ATXN2: variants seen among roughly 807,000 people sequenced by gnomAD.
ATXN2 encodes the protein ataxin 2.
A neutral mutation model predicts 138.6 loss-of-function variants in ATXN2; 37 were observed. The observed-to-expected ratio is 0.27, with a 90% CI of 0.21 to 0.35. The LOEUF is 0.35. ATXN2 is among the 10% of genes least tolerant of loss of function. ATXN2 has a pLI of 1.00. For synonymous variants in ATXN2, 549 were observed against 543.7 expected, an observed-to-expected ratio of 1.01 and a Z score of -0.13; for missense variants, 1,216 against 1,480.3, an observed-to-expected ratio of 0.82 and a Z score of 2.93.
chr12:111,598,967 TGCTGCTGCTGTTGCTGCTGC>T lies in ATXN2; in HGVS notation c.48_67del (p.Gln17AlafsTer66), dbSNP rs1885097087. 4.7e-6 allele frequency: 7 copies of T among 1,503,432 alleles called. No individual in the cohort carries two copies. The East Asian group carries it at 1.3e-4, about 29-fold the overall frequency. The allele number at this position is 1,503,432 out of a possible 1,614,324, so 93.1% of individuals were successfully genotyped here. On this transcript the variant is annotated frameshift_variant, in exon 1 of 25. Coordinates refer to ENST00000673436, the MANE Select transcript of ATXN2 (RefSeq NM_001372574.1). LOFTEE classifies it high-confidence loss of function. The surrounding 1 kb of genome is among the most constrained non-coding windows in gnomAD (Gnocchi z 4.5). ...GGGCGGCGGCTGCTGCTGCTGCTGC[TGCTGCTGCTGTTGCTGCTGC>T]TGCTGCTGCTGCTGCTGCTGCTGCT...
intron 14 of ATXN2, among the ~76,000 whole-genome samples, chr12:111,494,052 T>G (rs1878240289): frequency 6.6e-6 from 1 of 151,946 alleles, no homozygotes; most frequent in Non-Finnish European, 1.5e-5. Flanking sequence ...TGCCTCAGCC[T>G]CCGAGTAGCT....
At position 111,598,959 on chromosome 12, in the gene ATXN2, GC is replaced by G; in HGVS notation, c.75del (p.Gln25HisfsTer21). On this transcript the variant is annotated frameshift_variant, in exon 1 of 25. Transcript: ENST00000673436. LOFTEE classifies it high-confidence loss of function. This position sits in a 1 kb window ranked among gnomAD's most constrained non-coding sequence, Gnocchi z 4.5. ...QQQQQQQQQQQQQQPPPAAAN... is the reference protein window; with the variant it reads ...QQQQQQQQQQXQQQPPPAAAN... ...GCAGCCGCGGGCGGCGGCTGCTGCT[GC>G]TGCTGCTGCTGCTGCTGTTGCTGCT... 2 of 1,501,414 alleles carry G rather than the reference GC, an allele frequency of 1.3e-6. No individual in the cohort carries two copies. The highest frequency in any genetic ancestry group is 1.8e-6 in the Non-Finnish European group (2 of 1,128,400). 93.0% of individuals were successfully genotyped at this position (1,501,414 alleles called of 1,614,324 possible). A position where few individuals can be genotyped will look rare whatever the true frequency, so the allele number is the denominator to read the frequency against.
At chr12:111,553,217 A>C (rs1566060231) in intron 3 of ATXN2, among the ~76,000 whole-genome samples, 1 of 152,184 alleles carries the variant, frequency 6.6e-6, no homozygotes, top group African/African-American at 2.4e-5. Flanking sequence ...TTCTGACCCC[A>C]GCTATTTTAA....
intron 12 of ATXN2, 36 bp downstream of exon 12, chr12:111,510,349 C>G (rs757743174): frequency 1.3e-6 from 2 of 1,587,288 alleles, no homozygotes; most frequent in South Asian, 2.2e-5. Flanking sequence ...AATTTCACAG[C>G]TGAGATTATG....
intron 18 of ATXN2, among the ~76,000 whole-genome samples, chr12:111,473,137 G>GC (rs760575873): frequency 3.3e-5 from 5 of 151,924 alleles, no homozygotes; most frequent in African/African-American, 7.3e-5. Context: ...AGCCAGGCAC[G>GC]GTGGTGCTTG....
chr12:111,569,317 G>A (rs975041977), intron 1 of ATXN2, among the ~76,000 whole-genome samples: 6 of 152,190 alleles, frequency 3.9e-5, no homozygotes, highest in Non-Finnish European at 8.8e-5. Flanking sequence ...TGGAAATTAA[G>A]TAATATTCCA....
chr12:111,479,744 C>T (rs1877083616), intron 18 of ATXN2, among the ~76,000 whole-genome samples: 1 of 151,242 alleles, frequency 6.6e-6, no homozygotes, highest in South Asian at 2.1e-4. Context: ...CATCAGCTAT[C>T]ATTAGTGTTA....
At chr12:111,547,146 C>G (rs890076212) in intron 5 of ATXN2, among the ~76,000 whole-genome samples, 7 of 152,188 alleles carry the variant, frequency 4.6e-5, no homozygotes, top group African/African-American at 1.7e-4. Context: ...GTTTCCCCAG[C>G]AGCCGAGTGT....
At chr12:111,471,813 G>A (rs1876434549) in intron 18 of ATXN2, 1 of 151,858 alleles carries the variant, frequency 6.6e-6, no homozygotes, top group Non-Finnish European at 1.5e-5. Flanking sequence ...ATGAAAGTTT[G>A]CCCGATTATG....
Position 111,552,553 on chromosome 12 carries a change from A to C in ATXN2, c.421-123T>G. 1 of 991,652 alleles carries C rather than the reference A, an allele frequency of 1.0e-6. No homozygotes were observed. Among genetic ancestry groups the C allele is most frequent in the African/African-American group, 1.7e-5 (1 of 59,274 alleles). 61.4% of individuals were successfully genotyped at this position (991,652 alleles called of 1,614,324 possible). A position where few individuals can be genotyped will look rare whatever the true frequency, so the allele number is the denominator to read the frequency against. On this transcript the variant is annotated intron_variant, in intron 4 of 24. Transcript: ENST00000673436. The surrounding 1 kb of genome is among the most constrained non-coding windows in gnomAD (Gnocchi z 4.1). ...TGACAAAAATAATCTCAAGAGAATCATACCCTTTTTCCCAGGCATATGATC... is the reference window on the plus strand; with the variant it reads ...TGACAAAAATAATCTCAAGAGAATCCTACCCTTTTTCCCAGGCATATGATC...
At chr12:111,566,381 G>A (rs928083169) in intron 1 of ATXN2, among the ~76,000 whole-genome samples, 6 of 147,334 alleles carry the variant, frequency 4.1e-5, no homozygotes, top group Admixed American at 1.4e-4. Flanking sequence ...GCGGTGAGCC[G>A]AGATAGCATG....
At chr12:111,473,180 G>C (rs1876536099) in intron 18 of ATXN2, among the ~76,000 whole-genome samples, 1 of 151,812 alleles carries the variant, frequency 6.6e-6, no homozygotes, top group African/African-American at 2.4e-5. Flanking sequence ...AGGCTGAGGT[G>C]GGGGGATTGC....
At chr12:111,586,103 C>T (rs1029613295) in intron 1 of ATXN2, among the ~76,000 whole-genome samples, 1 of 151,756 alleles carries the variant, frequency 6.6e-6, no homozygotes, top group African/African-American at 2.4e-5. Flanking sequence ...TGGGGTTTCC[C>T]TGTGTTGCCC....
chr12:111,561,937 G>T (rs896296625), intron 1 of ATXN2, among the ~76,000 whole-genome samples: 1 of 151,394 alleles, frequency 6.6e-6, no homozygotes, highest in South Asian at 2.1e-4. Context: ...TCAGCCTCCC[G>T]AGTAGCTGGG....
At chr12:111,561,996 A>G (rs1882715330) in intron 1 of ATXN2, among the ~76,000 whole-genome samples, 1 of 151,810 alleles carries the variant, frequency 6.6e-6, no homozygotes, top group South Asian at 2.1e-4. Flanking sequence ...TATTTTTAGT[A>G]GAGACAGGGT....
intron 1 of ATXN2, among the ~76,000 whole-genome samples, chr12:111,576,689 G>A (rs2135822246): frequency 6.6e-6 from 1 of 151,940 alleles, no homozygotes; most frequent in African/African-American, 2.4e-5. Context: ...GCCAGGTGTG[G>A]TGGCTCACGC....
chr12:111,509,891 C>T lies in ATXN2; in HGVS notation c.1864G>A (p.Gly622Ser). ...GCTTAATGACTCTTTAAACTCTAAC[C>T]TTTGTTTTCAGCTTTTGAGAAGCTA... ...SPSFSKAENK[G>S]ISPVVSEHRK... The change falls in exon 13 of 25, where the codon GGT (glycine) becomes AGT (serine). Residue 622 changes from glycine (G) to serine (S), a missense_variant and splice_region_variant. Around this residue, in one of 4 missense-constraint regions of ATXN2, gnomAD observed 215 missense variants for 210.0 expected, o/e 1.02. Coordinates refer to ENST00000673436, the MANE Select transcript of ATXN2 (RefSeq NM_001372574.1). 1 of 1,602,514 alleles carries T rather than the reference C, an allele frequency of 6.2e-7. No homozygotes were observed. The highest frequency in any genetic ancestry group is 1.1e-5 in the South Asian group (1 of 90,502).
chr12:111,514,227 T>C (rs1879726973), intron 10 of ATXN2, among the ~76,000 whole-genome samples: 1 of 152,222 alleles, frequency 6.6e-6, no homozygotes, highest in Admixed American at 6.5e-5. Flanking sequence ...AGTCTATTAA[T>C]AGATGACCAA....
chr12:111,508,806 C>T lies in ATXN2; in HGVS notation c.1935+743G>A, dbSNP rs1261332865. 2.6e-5 allele frequency among the ~76,000 whole-genome samples: 4 copies of T among 151,892 alleles called. No homozygotes were observed. In the East Asian group the frequency reaches 7.7e-4, roughly 29 times the overall value. On this transcript the variant is annotated intron_variant, in intron 14 of 24. Transcript: ENST00000673436. The stretch of plus-strand genomic sequence containing the variant: ...CATTAAAGCTGAATAGATACATGTG[C>T]TAAAGTATGAAATAATAAGTAGTAT...
Sources: gnomAD v4.1 joint callset for allele counts (sites outside exome capture counted in the v4.1 genomes callset) on GRCh38, gnomAD v4.1.1 for gene constraint, gnomAD v4.1.1 regional missense constraint, Gnocchi (gnomAD v3.1) non-coding constraint, MANE v1.5 for transcripts, NCBI Gene and HGNC (gene_info 2026-07-23, HGNC 2026-07-21) for gene names.